The following MFSD11 variants were observed in gnomAD, a reference collection of about 807,000 sequenced individuals.
MFSD11 encodes the protein major facilitator superfamily domain containing 11.
A neutral mutation model predicts 53.5 loss-of-function variants in MFSD11; 36 were observed. The observed-to-expected ratio is 0.67, with a 90% CI of 0.52 to 0.89. The LOEUF (loss-of-function observed/expected upper bound fraction) is 0.89. Among genes scored for constraint, MFSD11 ranks in the 40% least tolerant of loss-of-function variants. The probability of loss-of-function intolerance (pLI) is 0.00; values close to 1 mark genes in which losing one functional copy is unlikely to be tolerated. For synonymous variants in MFSD11, 186 were observed against 184.9 expected, an observed-to-expected ratio of 1.01 and a Z score of -0.05; for missense variants, 530 against 543.9, an observed-to-expected ratio of 0.97 and a Z score of 0.25.
At chr17:76,763,270 T>G (rs1050219545) in intron 8 of MFSD11, among the ~76,000 whole-genome samples, 3 of 151,688 alleles carry the variant, frequency 2.0e-5, no homozygotes, top group Admixed American at 2.0e-4. Context: ...TTTTGTTTTT[T>G]GTTTTTTTTT....
the MFSD11 span, among the ~76,000 whole-genome samples, chr17:76,793,110 G>C: frequency 6.6e-6 from 1 of 151,348 alleles, no homozygotes; most frequent in Non-Finnish European, 1.5e-5. Flanking sequence ...ATGAAGTTTC[G>C]GGCACGCATT....
chr17:76,766,412 C>T (rs181744717), intron 8 of MFSD11, among the ~76,000 whole-genome samples: 105 of 132,696 alleles, frequency 7.9e-4, no homozygotes, highest in Admixed American at 3.9e-3. Flanking sequence ...AAGTGAGACT[C>T]TGTCTCAAAA....
At chr17:76,770,162 C>CGAGTA (rs2081268501) in intron 10 of MFSD11, among the ~76,000 whole-genome samples, 1 of 151,190 alleles carries the variant, frequency 6.6e-6, no homozygotes, top group South Asian at 2.1e-4. Context: ...CTCAGCCTCC[C>CGAGTA]GAGTAGCTGG....
the MFSD11 span, among the ~76,000 whole-genome samples, chr17:76,798,170 G>A: frequency 6.6e-6 from 1 of 152,084 alleles, no homozygotes; most frequent in Non-Finnish European, 1.5e-5. Context: ...TTACACGTCG[G>A]AGCCACCATG....
At chr17:76,751,964 C>T (rs1191627890) in intron 7 of MFSD11, among the ~76,000 whole-genome samples, 1 of 152,102 alleles carries the variant, frequency 6.6e-6, no homozygotes, top group African/African-American at 2.4e-5. Context: ...GATCATTGTG[C>T]GTCCCAGCCA....
At chr17:76,759,051 G>A (rs2079932156) in intron 8 of MFSD11, among the ~76,000 whole-genome samples, 2 of 151,982 alleles carry the variant, frequency 1.3e-5, no homozygotes, top group South Asian at 2.1e-4. Context: ...TTCGAGACCA[G>A]CCTAAGCAAC....
At chr17:76,754,770 A>G (rs1331693673) in intron 8 of MFSD11, among the ~76,000 whole-genome samples, 3 of 151,584 alleles carry the variant, frequency 2.0e-5, no homozygotes, top group Non-Finnish European at 2.9e-5. Context: ...AAGAATAATC[A>G]TGTTCATGCA....
chr17:76,800,515 A>G, the MFSD11 span, among the ~76,000 whole-genome samples: 1 of 152,138 alleles, frequency 6.6e-6, no homozygotes, highest in Non-Finnish European at 1.5e-5. Flanking sequence ...TCTGTGGGTA[A>G]TAGCCAACTC....
intron 7 of MFSD11, among the ~76,000 whole-genome samples, chr17:76,747,533 C>A (rs1165193789): frequency 6.6e-6 from 1 of 151,918 alleles, no homozygotes; most frequent in Non-Finnish European, 1.5e-5. Flanking sequence ...CGGGGCTTCA[C>A]TATGTTGGGC....
intron 7 of MFSD11, among the ~76,000 whole-genome samples, chr17:76,752,260 G>C (rs2079116410): frequency 6.6e-6 from 1 of 152,202 alleles, no homozygotes. Flanking sequence ...GATGTACAAT[G>C]ATCTAATGTT....
rs1443118629 is a variant in MFSD11 at position 76,766,483 on chromosome 17, T to C, written c.683-903T>C. Among the ~76,000 whole-genome samples, 4 of 151,940 alleles carry C rather than the reference T, an allele frequency of 2.6e-5. No homozygotes were observed. In the East Asian group the frequency reaches 5.8e-4, roughly 22 times the overall value. ...ATAAAATAAAATGAACATGCTTTGC[T>C]AGTAGTTTTTTAAGTTAAAAGTATT... On this transcript the variant is annotated intron_variant, in intron 8 of 12. Coordinates refer to ENST00000685175, the MANE Select transcript of MFSD11 (RefSeq NM_001242532.5).
upstream of MFSD11, chr17:76,736,930 C>T: frequency 6.2e-7 from 1 of 1,613,080 alleles, no homozygotes. Context: ...CCAGCACGGC[C>T]CCGTCCATGG....
rs554376067 is a variant in MFSD11, at chr17:76,754,330, A to G, written c.682+243A>G. 10 of 451,884 alleles carry G rather than the reference A, an allele frequency of 2.2e-5. No homozygotes were observed. In the East Asian group the frequency reaches 2.7e-4, roughly 12 times the overall value. 28.0% of individuals were successfully genotyped at this position (451,884 alleles called of 1,614,324 possible). The stretch of plus-strand genomic sequence containing the variant: ...TGTGAGGGAAGTGGAAAGAGGCTGC[A>G]TAGCACTCAGGTTCTCCCTGAAGTT... On this transcript the variant is annotated intron_variant, in intron 8 of 12. Coordinates refer to ENST00000685175, the MANE Select transcript of MFSD11 (RefSeq NM_001242532.5).
At chr17:76,738,906 AT>A in intron 1 of MFSD11, 31 bp from the exon 2 acceptor site, 1 of 1,601,220 alleles carries the variant, frequency 6.2e-7, no homozygotes, top group Non-Finnish European at 8.6e-7. Flanking sequence ...ACTGCAAAAC[AT>A]TTTCGTTGAT....
chr17:76,744,557 G>T, intron 7 of MFSD11, 91 bp downstream of exon 7: 1 of 1,118,282 alleles, frequency 8.9e-7, no homozygotes, highest in East Asian at 2.7e-5. Flanking sequence ...CCTAACTGAT[G>T]TCCAGTACTC....
chr17:76,739,993 C>T (rs1465802791), intron 2 of MFSD11, among the ~76,000 whole-genome samples: 1 of 150,666 alleles, frequency 6.6e-6, no homozygotes, highest in Admixed American at 6.6e-5. Flanking sequence ...GGTGAAACCC[C>T]GTCTGTACTA....
At chr17:76,758,359 G>T (rs759838810) in intron 8 of MFSD11, among the ~76,000 whole-genome samples, 1 of 152,030 alleles carries the variant, frequency 6.6e-6, no homozygotes, top group Non-Finnish European at 1.5e-5. Context: ...GTGATGGGGG[G>T]ATTGCTTGAG....
the MFSD11 span, among the ~76,000 whole-genome samples, chr17:76,801,445 A>ATT: frequency 9.3e-6 from 1 of 106,958 alleles, no homozygotes; most frequent in East Asian, 2.4e-4. Context: ...GCAGAGCAGC[A>ATT]TTTTTTTTTT....
At chr17:76,803,356 A>G in the MFSD11 span, among the ~76,000 whole-genome samples, 1 of 152,204 alleles carries the variant, frequency 6.6e-6, no homozygotes, top group African/African-American at 2.4e-5. Context: ...TATAGTTTAA[A>G]ACAATGACGA....
Sources: allele counts gnomAD v4.1 joint callset (sites outside exome capture counted in the v4.1 genomes callset), GRCh38; gene constraint gnomAD v4.1.1; transcripts MANE v1.5; gene names NCBI Gene and HGNC (gene_info 2026-07-23, HGNC 2026-07-21).